HDAC9: variants seen among roughly 807,000 people sequenced by gnomAD.
The protein encoded by HDAC9 is MEF-2 interacting transcription repressor (MITR) protein.
In HDAC9, 41 loss-of-function variants were observed where a neutral mutation model predicts 139.4. The ratio of observed to expected loss-of-function variants is 0.29; its 90% CI spans 0.23 to 0.38. The LOEUF (loss-of-function observed/expected upper bound fraction) is 0.38, where lower values mean the gene tolerates loss of function less well. Ranked by LOEUF, HDAC9 falls within the 10% of genes least tolerant of loss-of-function variation. The probability of loss-of-function intolerance (pLI) is 1.00; values close to 1 mark genes in which losing one functional copy is unlikely to be tolerated. For missense variants in HDAC9, 1,147 were observed against 1,297.0 expected, an observed-to-expected ratio of 0.88 and a Z score of 1.78; for synonymous variants, 517 against 476.2, an observed-to-expected ratio of 1.09 and a Z score of -1.12.
intron 25 of HDAC9, among the ~76,000 whole-genome samples, chr7:18,983,979 A>C (rs540869856): frequency 6.6e-6 from 1 of 152,132 alleles, no homozygotes; most frequent in Non-Finnish European, 1.5e-5. Flanking sequence ...TTCAGATCAA[A>C]TATCACTTCT....
intron 6 of HDAC9, among the ~76,000 whole-genome samples, chr7:18,616,941 G>A (rs914320518): frequency 4.6e-5 from 7 of 152,154 alleles, no homozygotes; most frequent in African/African-American, 7.2e-5. Flanking sequence ...GTAATTAGAC[G>A]TTTAAAAAAT....
At chr7:18,563,838 C>CTTTT (rs374816857) in intron 2 of HDAC9, among the ~76,000 whole-genome samples, 2 of 132,972 alleles carry the variant, frequency 1.5e-5, no homozygotes, top group African/African-American at 5.6e-5. Context: ...TGATTTGCTG[C>CTTTT]TTTTTTTTTT....
intron 2 of HDAC9, among the ~76,000 whole-genome samples, chr7:18,526,271 T>C (rs1437150682): frequency 1.3e-5 from 2 of 152,184 alleles, no homozygotes; most frequent in Admixed American, 1.3e-4. Flanking sequence ...TAGACTGATA[T>C]ACAAGTCTCC....
At chr7:18,661,833 A>C (rs1793261565) in intron 11 of HDAC9, among the ~76,000 whole-genome samples, 1 of 151,902 alleles carries the variant, frequency 6.6e-6, no homozygotes, top group Non-Finnish European at 1.5e-5. Context: ...AAAGAAACTG[A>C]CCGGAACAAA....
chr7:18,986,745 C>A (rs1239953765), intron 25 of HDAC9, among the ~76,000 whole-genome samples: 2 of 152,060 alleles, frequency 1.3e-5, no homozygotes, highest in East Asian at 1.9e-4. Context: ...CTTTTATTTC[C>A]TTGAGCAGTG....
At chr7:18,161,843 T>A (rs943386542) in intron 1 of HDAC9, among the ~76,000 whole-genome samples, 3 of 152,226 alleles carry the variant, frequency 2.0e-5, no homozygotes, top group African/African-American at 7.2e-5. Context: ...AATGATAGTT[T>A]AAAATGCTAT....
At chr7:18,193,274 A>G (rs1324535228) in intron 2 of HDAC9, among the ~76,000 whole-genome samples, 1 of 152,172 alleles carries the variant, frequency 6.6e-6, no homozygotes, top group Non-Finnish European at 1.5e-5. Flanking sequence ...ACAATAATCT[A>G]ATACATTTCA....
At chr7:18,901,221 T>TAC (rs373441653) in intron 22 of HDAC9, among the ~76,000 whole-genome samples, 1,806 of 123,106 alleles carry the variant, frequency 0.015, 16 homozygotes, top group East Asian at 0.076. Flanking sequence ...TATATATATA[T>TAC]ACACACACAC....
chr7:18,850,942 A>G (rs1327644301), intron 21 of HDAC9, among the ~76,000 whole-genome samples: 2 of 152,166 alleles, frequency 1.3e-5, no homozygotes, highest in Non-Finnish European at 2.9e-5. Flanking sequence ...CTCTGCTCCC[A>G]TGGTCTAATC....
intron 1 of HDAC9, among the ~76,000 whole-genome samples, chr7:18,354,490 A>G (rs1783099348): frequency 6.6e-6 from 1 of 152,216 alleles, no homozygotes; most frequent in Non-Finnish European, 1.5e-5. Context: ...TTAGGCTTTT[A>G]GAGACTGTGT....
chr7:18,952,283 A>G (rs1782853709), intron 23 of HDAC9, among the ~76,000 whole-genome samples: 1 of 151,924 alleles, frequency 6.6e-6, no homozygotes, highest in Admixed American at 6.6e-5. Context: ...TGAATCACGT[A>G]TGCTTTCTGT....
At chr7:18,441,924 C>G (rs761329417) in intron 1 of HDAC9, among the ~76,000 whole-genome samples, 1 of 152,010 alleles carries the variant, frequency 6.6e-6, no homozygotes, top group African/African-American at 2.4e-5. Flanking sequence ...CCCGCTACCA[C>G]GCCCGGCTAA....
chr7:18,890,163 T>C (rs1319905615), intron 22 of HDAC9, among the ~76,000 whole-genome samples: 1 of 152,214 alleles, frequency 6.6e-6, no homozygotes, highest in Non-Finnish European at 1.5e-5. Flanking sequence ...TAGCAAGCAC[T>C]CAACAAATGT....
At chr7:18,197,275 A>G (rs1369678619) in intron 2 of HDAC9, among the ~76,000 whole-genome samples, 1 of 152,238 alleles carries the variant, frequency 6.6e-6, no homozygotes, top group South Asian at 2.1e-4. Flanking sequence ...ACCCTGACTA[A>G]TACGCGTAGT....
intron 1 of HDAC9, among the ~76,000 whole-genome samples, chr7:18,407,136 C>G (rs560923174): frequency 6.6e-6 from 1 of 152,078 alleles, no homozygotes; most frequent in African/African-American, 2.4e-5. Flanking sequence ...AGGTCTGGTC[C>G]TTTTTTCTTT....
chr7:18,696,355 A>G (rs1022301935), intron 12 of HDAC9, among the ~76,000 whole-genome samples: 1 of 148,474 alleles, frequency 6.7e-6, no homozygotes, highest in Non-Finnish European at 1.5e-5. Flanking sequence ...TTATATAGTT[A>G]TATATGTTAT....
intron 11 of HDAC9, among the ~76,000 whole-genome samples, chr7:18,650,860 A>C (rs1301622722): frequency 6.6e-6 from 1 of 152,198 alleles, no homozygotes; most frequent in South Asian, 2.1e-4. Context: ...TTGGGTGTTT[A>C]GATGACTCAA....
At position 18,250,944 on chromosome 7, in the gene HDAC9, C is replaced by A. The variant is rs550801687; in HGVS notation, c.25+88595C>A. Among the ~76,000 whole-genome samples, 67 of 152,086 alleles carry A rather than the reference C, an allele frequency of 4.4e-4. No individual in the cohort carries two copies. In the South Asian group the frequency reaches 0.012, roughly 27 times the overall value. Reference sequence around the variant, plus strand: ...TCTTTTGAAAAGTGTCTGTTCATGTCCTTTGGCCTCTTTTTAATGGGTTTG... The same window carrying A: ...TCTTTTGAAAAGTGTCTGTTCATGTACTTTGGCCTCTTTTTAATGGGTTTG... On this transcript the variant is annotated intron_variant, in intron 2 of 12. Transcript: ENST00000417496.
intron 1 of HDAC9, among the ~76,000 whole-genome samples, chr7:18,314,693 A>G (rs536944587): frequency 2.6e-5 from 4 of 152,326 alleles, no homozygotes; most frequent in Admixed American, 1.3e-4. Context: ...GCTCCGTGAA[A>G]CAAAACAACT....
Sources: gnomAD v4.1 joint callset for allele counts (sites outside exome capture counted in the v4.1 genomes callset) on GRCh38, gnomAD v4.1.1 for gene constraint, MANE v1.5 for transcripts, NCBI Gene and HGNC (gene_info 2026-07-23, HGNC 2026-07-21) for gene names.